The following PCDH15 variants were observed in gnomAD, a reference collection of about 807,000 sequenced individuals.
PCDH15 encodes protocadherin related 15.
A neutral mutation model predicts 178.5 loss-of-function variants in PCDH15; 129 were observed. That is an observed-to-expected ratio of 0.72 (90% CI 0.63 to 0.84). The LOEUF is 0.84. PCDH15 is among the 40% of genes least tolerant of loss of function. The probability of loss-of-function intolerance (pLI) is 0.00; values close to 1 mark genes in which losing one functional copy is unlikely to be tolerated. For missense variants in PCDH15, 2,230 were observed against 2,099.9 expected (o/e 1.06, Z -1.21); for synonymous variants, 800 against 732.0 (o/e 1.09, Z -1.50).
chr10:55,156,358 T>G (rs1317907042), intron 2 of PCDH15, among the ~76,000 whole-genome samples: 1 of 152,134 alleles, frequency 6.6e-6, no homozygotes, highest in Non-Finnish European at 1.5e-5. Context: ...TACTGATGGT[T>G]GTGGTCTTTG....
chr10:54,417,058 TTAA>T (rs1954529469), intron 3 of PCDH15, among the ~76,000 whole-genome samples: 2 of 152,100 alleles, frequency 1.3e-5, no homozygotes, highest in East Asian at 3.9e-4. Context: ...TTTTCTCCCA[TTAA>T]TATGTTTTTG....
chr10:54,239,008 T>G (rs1271017912), intron 8 of PCDH15, among the ~76,000 whole-genome samples: 1 of 152,136 alleles, frequency 6.6e-6, no homozygotes, highest in African/African-American at 2.4e-5. Flanking sequence ...AGTTCCATTC[T>G]GCATCTCATA....
chr10:55,022,987 G>A (rs1368707433), intron 2 of PCDH15, among the ~76,000 whole-genome samples: 8 of 151,656 alleles, frequency 5.3e-5, no homozygotes, highest in Admixed American at 5.3e-4. Context: ...TGTCGCCCAG[G>A]CTGGAGTGCA....
intron 27 of PCDH15, among the ~76,000 whole-genome samples, chr10:53,864,532 T>A (rs2133128010): frequency 6.6e-6 from 1 of 152,240 alleles, no homozygotes; most frequent in South Asian, 2.1e-4. Context: ...CTTGGGTCAA[T>A]TCAGCTCAGC....
At chr10:53,972,613 T>A (rs907666059) in intron 21 of PCDH15, among the ~76,000 whole-genome samples, 6 of 151,984 alleles carry the variant, frequency 3.9e-5, no homozygotes, top group Admixed American at 2.0e-4. Flanking sequence ...AACAACCCCA[T>A]CAAAAAGTGG....
chr10:54,082,565 T>G (rs993688751), intron 16 of PCDH15, among the ~76,000 whole-genome samples: 6 of 152,150 alleles, frequency 3.9e-5, no homozygotes, highest in African/African-American at 1.4e-4. Flanking sequence ...TTAGACTACT[T>G]CACTTCATAC....
chr10:55,429,000 T>C, intron 2 of PCDH15, among the ~76,000 whole-genome samples: 1 of 152,064 alleles, frequency 6.6e-6, no homozygotes, highest in East Asian at 1.9e-4. Context: ...TAGCATTCTT[T>C]ATTTTCTCCT....
intron 2 of PCDH15, among the ~76,000 whole-genome samples, chr10:55,590,182 A>T (rs915071007): frequency 2.0e-4 from 30 of 151,944 alleles, no homozygotes; most frequent in African/African-American, 7.2e-4. Context: ...ATGAAACTGG[A>T]AATCATCATT....
chr10:54,869,069 G>C (rs113562285), intron 3 of PCDH15: 6 of 152,220 alleles, frequency 3.9e-5, no homozygotes, highest in African/African-American at 1.4e-4. Flanking sequence ...TTGTTGGGTG[G>C]CTTCAGAGTT....
intron 2 of PCDH15, among the ~76,000 whole-genome samples, chr10:55,100,937 T>C (rs148910735): frequency 2.0e-5 from 3 of 152,282 alleles, no homozygotes; most frequent in Non-Finnish European, 4.4e-5. Flanking sequence ...ATTCCTAAAA[T>C]AGAAATTATC....
chr10:53,950,552 A>G (rs1342633096), intron 23 of PCDH15, among the ~76,000 whole-genome samples: 2 of 152,178 alleles, frequency 1.3e-5, no homozygotes, highest in East Asian at 1.9e-4. Flanking sequence ...CCCACTCAAA[A>G]TCAATATTCA....
intron 21 of PCDH15, among the ~76,000 whole-genome samples, chr10:53,984,148 C>CTTTTTTTTTTTTTTTTTT (rs66540462): frequency 1.6e-5 from 1 of 63,560 alleles, no homozygotes; most frequent in African/African-American, 5.5e-5. Context: ...TTTTTCTTTT[C>CTTTTTTTTTTTTTTTTTT]TTTTTTTTTT....
At chr10:55,362,641 C>T (rs979529282) in intron 2 of PCDH15, among the ~76,000 whole-genome samples, 1 of 151,884 alleles carries the variant, frequency 6.6e-6, no homozygotes, top group East Asian at 1.9e-4. Context: ...TTTACATGCA[C>T]TCGTGTGTGT....
intron 26 of PCDH15, among the ~76,000 whole-genome samples, chr10:53,874,625 A>C (rs1332255756): frequency 6.6e-6 from 1 of 151,994 alleles, no homozygotes; most frequent in Non-Finnish European, 1.5e-5. Flanking sequence ...TTTTTCAAAA[A>C]CCCCTCCTGC....
intron 18 of PCDH15, among the ~76,000 whole-genome samples, chr10:54,040,487 T>A (rs1291332310): frequency 2.0e-5 from 3 of 152,034 alleles, no homozygotes; most frequent in Non-Finnish European, 4.4e-5. Context: ...ACCTATTTTT[T>A]CTTTATAAAT....
intron 25 of PCDH15, among the ~76,000 whole-genome samples, chr10:53,910,798 A>G (rs2133768104): frequency 6.6e-6 from 1 of 152,290 alleles, no homozygotes; most frequent in Non-Finnish European, 1.5e-5. Context: ...AACTAGAATA[A>G]ACAGTGTAGA....
At chr10:55,013,189 C>T (rs1840087963) in intron 2 of PCDH15, among the ~76,000 whole-genome samples, 1 of 152,146 alleles carries the variant, frequency 6.6e-6, no homozygotes, top group African/African-American at 2.4e-5. Flanking sequence ...TCTCTGTCTA[C>T]ATTTCCCATC....
At chr10:55,551,262 T>C (rs893026314) in intron 2 of PCDH15, among the ~76,000 whole-genome samples, 2 of 152,012 alleles carry the variant, frequency 1.3e-5, no homozygotes, top group Admixed American at 1.3e-4. Flanking sequence ...AGATTTTTAA[T>C]TCATAAAACT....
At chr10:54,694,944 A>G (rs2095195286) in intron 1 of PCDH15, among the ~76,000 whole-genome samples, 1 of 152,128 alleles carries the variant, frequency 6.6e-6, no homozygotes, top group South Asian at 2.1e-4. Flanking sequence ...CTCAAGCACC[A>G]AACAGCCAAC....
Sources: allele counts gnomAD v4.1 joint callset (sites outside exome capture counted in the v4.1 genomes callset), GRCh38; gene constraint gnomAD v4.1.1; transcripts MANE v1.5; gene names NCBI Gene and HGNC (gene_info 2026-07-23, HGNC 2026-07-21).